Variants in TRPM3 observed in about 807,000 individuals in gnomAD.
The protein encoded by TRPM3 is transient receptor potential cation channel subfamily M member 3.
In TRPM3, 77 loss-of-function variants were observed where a neutral mutation model predicts 181.2. The observed-to-expected ratio is 0.42, with a 90% CI of 0.35 to 0.51. TRPM3 has a LOEUF of 0.51. Ranked by LOEUF, TRPM3 falls within the 20% of genes least tolerant of loss-of-function variation. The pLI is 0.01. For synonymous variants in TRPM3, 745 were observed against 796.4 expected, an observed-to-expected ratio of 0.94 and a Z score of 1.09; for missense variants, 1,759 against 2,196.7, an observed-to-expected ratio of 0.80 and a Z score of 3.98.
At chr9:70,960,073 C>G (rs1008232915) in intron 1 of TRPM3, among the ~76,000 whole-genome samples, 2 of 152,032 alleles carry the variant, frequency 1.3e-5, no homozygotes, top group Non-Finnish European at 2.9e-5. Context: ...GGGAACTCCC[C>G]AACAATCTCT....
At chr9:70,826,403 T>G (rs2093559024) in intron 6 of TRPM3, 1 of 152,246 alleles carries the variant, frequency 6.6e-6, no homozygotes, top group African/African-American at 2.4e-5. Flanking sequence ...ACACTTGTGT[T>G]TCTTCTTTCC....
intron 1 of TRPM3, among the ~76,000 whole-genome samples, chr9:71,158,194 A>T (rs1420038636): frequency 6.6e-6 from 1 of 152,174 alleles, no homozygotes; most frequent in Non-Finnish European, 1.5e-5. Context: ...AGCTTTACTT[A>T]GTCCAAAATA....
At chr9:70,918,428 C>G (rs1340314701) in intron 1 of TRPM3, among the ~76,000 whole-genome samples, 1 of 151,998 alleles carries the variant, frequency 6.6e-6, no homozygotes, top group Non-Finnish European at 1.5e-5. Context: ...AAGCATCTTC[C>G]CTGACCACAA....
chr9:70,877,053 T>C (rs2095879243), intron 1 of TRPM3, among the ~76,000 whole-genome samples: 1 of 152,070 alleles, frequency 6.6e-6, no homozygotes. Context: ...ACCAAATGCA[T>C]AATATCAGAT....
chr9:70,693,474 C>CTT (rs368467549), intron 8 of TRPM3, among the ~76,000 whole-genome samples: 6 of 151,300 alleles, frequency 4.0e-5, no homozygotes, highest in African/African-American at 1.5e-4. Flanking sequence ...ATTTTTAGCG[C>CTT]TTTTTTTTTG....
chr9:71,048,955 C>G (rs998320649), intron 1 of TRPM3, among the ~76,000 whole-genome samples: 3 of 152,174 alleles, frequency 2.0e-5, no homozygotes. Flanking sequence ...CCCACATTAG[C>G]TATTATGAGA....
chr9:70,909,340 C>T (rs2096511115), intron 1 of TRPM3, among the ~76,000 whole-genome samples: 1 of 152,108 alleles, frequency 6.6e-6, no homozygotes, highest in Non-Finnish European at 1.5e-5. Context: ...ATCAGCTGGC[C>T]TTTACAAGTA....
intron 1 of TRPM3, among the ~76,000 whole-genome samples, chr9:71,132,122 G>T (rs1477214536): frequency 1.3e-5 from 2 of 152,150 alleles, no homozygotes; most frequent in Non-Finnish European, 2.9e-5. Flanking sequence ...TCACAAAGTG[G>T]TTCAACAAAC....
intron 1 of TRPM3, among the ~76,000 whole-genome samples, chr9:71,362,930 G>A (rs974484007): frequency 1.3e-5 from 2 of 152,064 alleles, no homozygotes; most frequent in Admixed American, 6.6e-5. Context: ...TATTTCATTG[G>A]GATTGCTGAA....
At chr9:70,999,003 C>A (rs1354249632) in intron 1 of TRPM3, among the ~76,000 whole-genome samples, 1 of 152,092 alleles carries the variant, frequency 6.6e-6, no homozygotes, top group Non-Finnish European at 1.5e-5. Flanking sequence ...TCTAGCAAAC[C>A]CCCTATTTCT....
At chr9:71,064,988 G>T (rs2061740400) in intron 1 of TRPM3, among the ~76,000 whole-genome samples, 1 of 152,130 alleles carries the variant, frequency 6.6e-6, no homozygotes, top group Non-Finnish European at 1.5e-5. Context: ...CACATTGGAA[G>T]GAATTAGTTT....
chr9:71,226,137 T>C (rs200481186), intron 1 of TRPM3, among the ~76,000 whole-genome samples: 2 of 55,550 alleles, frequency 3.6e-5, no homozygotes, highest in Admixed American at 2.2e-4. Context: ...TTATAAAATA[T>C]TATTTGCAAG....
chr9:70,844,657 A>G (rs1221628466), intron 4 of TRPM3, among the ~76,000 whole-genome samples: 1 of 152,234 alleles, frequency 6.6e-6, no homozygotes, highest in Non-Finnish European at 1.5e-5. Flanking sequence ...TTTTATTGTT[A>G]AGAACCTCAC....
At chr9:70,927,024 T>A (rs548202167) in intron 1 of TRPM3, among the ~76,000 whole-genome samples, 7 of 152,360 alleles carry the variant, frequency 4.6e-5, no homozygotes, top group African/African-American at 1.7e-4. Context: ...CCATTTCAAG[T>A]AACATGAAAA....
intron 1 of TRPM3, among the ~76,000 whole-genome samples, chr9:71,391,158 C>G (rs1393711921): frequency 6.6e-6 from 1 of 151,968 alleles, no homozygotes; most frequent in Non-Finnish European, 1.5e-5. Flanking sequence ...GGAAAGGAAA[C>G]TGAGTGTCTA....
At chr9:70,561,596 T>C (rs1314113994) in intron 22 of TRPM3, among the ~76,000 whole-genome samples, 2 of 152,222 alleles carry the variant, frequency 1.3e-5, no homozygotes, top group African/African-American at 4.8e-5. Context: ...AAGCACCATC[T>C]ACTAGCATCC....
rs984715085 is a variant in TRPM3, at chr9:70,811,217, G to A, written c.973+16630C>T. The A allele has an allele frequency of 2.5e-6, 4 of 1,611,942 alleles. No individual in the cohort carries two copies. In the African/African-American group the frequency reaches 4.0e-5, roughly 16 times the overall value. ...ACCCCAAAATGAATAAAACAAGCGG[G>A]AGTCAAGAGAGAAAAACGGCAGGCA... On this transcript the variant is annotated intron_variant, in intron 6 of 25. Coordinates refer to ENST00000677713, the MANE Select transcript of TRPM3 (RefSeq NM_001366145.2).
rs756173916 is a variant in TRPM3 at position 70,960,451 on chromosome 9, T to C, written c.178-95940A>G. On this transcript the variant is annotated intron_variant, in intron 1 of 25. Coordinates refer to ENST00000677713, the MANE Select transcript of TRPM3 (RefSeq NM_001366145.2). Reference sequence around the variant, plus strand: ...ACTACCTTTTTTCATCTTCTTATGATTGGAAAACCTTCTGGGACACCTGGG... The same window carrying C: ...ACTACCTTTTTTCATCTTCTTATGACTGGAAAACCTTCTGGGACACCTGGG... Among the ~76,000 whole-genome samples, 121 of 152,176 alleles carry C rather than the reference T, an allele frequency of 8.0e-4. 1 individual carries two copies. The highest frequency in any genetic ancestry group is 1.6e-3 in the Non-Finnish European group (112 of 68,036).
intron 6 of TRPM3, among the ~76,000 whole-genome samples, chr9:70,801,093 G>T (rs1018335220): frequency 1.3e-5 from 2 of 152,152 alleles, no homozygotes; most frequent in Admixed American, 6.5e-5. Context: ...TGCAAGTGAA[G>T]GGGTCATTAT....
Sources: gnomAD v4.1 joint callset for allele counts (sites outside exome capture counted in the v4.1 genomes callset) on GRCh38, gnomAD v4.1.1 for gene constraint, MANE v1.5 for transcripts, NCBI Gene and HGNC (gene_info 2026-07-23, HGNC 2026-07-21) for gene names.